The following NYAP2 variants were observed in gnomAD, a reference collection of about 807,000 sequenced individuals.
NYAP2 encodes neuronal tyrosine-phosphorylated phosphoinositide-3-kinase adapter 2.
In NYAP2, 23 loss-of-function variants were observed where a neutral mutation model predicts 50.4. The observed-to-expected ratio is 0.46, with a 90% confidence interval of 0.33 to 0.65. The LOEUF (loss-of-function observed/expected upper bound fraction) is 0.65. Among genes scored for constraint, NYAP2 ranks in the 30% least tolerant of loss-of-function variants. The pLI, the probability that NYAP2 is intolerant of heterozygous loss-of-function variation, is 0.02. For synonymous variants in NYAP2, 394 were observed against 365.2 expected (o/e 1.08, Z -0.90); for missense variants, 885 against 861.0 (o/e 1.03, Z -0.35).
At chr2:225,527,101 A>C (rs1691165805) in intron 4 of NYAP2, among the ~76,000 whole-genome samples, 1 of 152,158 alleles carries the variant, frequency 6.6e-6, no homozygotes. Context: ...AGTCCAAAGA[A>C]TACCCTGCCT....
intron 3 of NYAP2, among the ~76,000 whole-genome samples, chr2:225,410,502 A>G (rs1695020430): frequency 6.6e-6 from 1 of 151,794 alleles, no homozygotes; most frequent in Non-Finnish European, 1.5e-5. Flanking sequence ...TATGAATCTG[A>G]GTTTTCTAAA....
At chr2:225,627,554 A>T (rs953508417) in intron 6 of NYAP2, among the ~76,000 whole-genome samples, 1 of 152,236 alleles carries the variant, frequency 6.6e-6, no homozygotes, top group Non-Finnish European at 1.5e-5. Flanking sequence ...AATGTAACAA[A>T]GATAATCTGA....
intron 5 of NYAP2, among the ~76,000 whole-genome samples, chr2:225,607,457 T>C (rs1192162229): frequency 6.6e-6 from 1 of 152,146 alleles, no homozygotes; most frequent in Non-Finnish European, 1.5e-5. Context: ...ACATTCTTTT[T>C]TAAGTTGTTA....
chr2:225,428,180 A>C (rs1695313562), intron 3 of NYAP2, among the ~76,000 whole-genome samples: 1 of 152,182 alleles, frequency 6.6e-6, no homozygotes, highest in Non-Finnish European at 1.5e-5. Context: ...TAGGAAGAAA[A>C]GAATCAATGA....
the NYAP2 span, among the ~76,000 whole-genome samples, chr2:225,684,395 T>C: frequency 6.7e-6 from 1 of 149,328 alleles, no homozygotes; most frequent in African/African-American, 2.5e-5. Flanking sequence ...GCTATGTTTC[T>C]TTCTCTCTCT....
At chr2:225,417,838 TA>T (rs1251722428) in intron 3 of NYAP2, among the ~76,000 whole-genome samples, 1 of 152,180 alleles carries the variant, frequency 6.6e-6, no homozygotes, top group African/African-American at 2.4e-5. Flanking sequence ...GCATCTATTT[TA>T]TGTCAGTCAT....
At chr2:225,503,802 A>T (rs1046844738) in intron 3 of NYAP2, among the ~76,000 whole-genome samples, 1 of 152,198 alleles carries the variant, frequency 6.6e-6, no homozygotes, top group Non-Finnish European at 1.5e-5. Context: ...GATGACCATA[A>T]AATCCATTCA....
At chr2:225,466,116 T>TTTTTTTTTTTTTTTTTTTTGA (rs1689914710) in intron 3 of NYAP2, among the ~76,000 whole-genome samples, 1 of 152,238 alleles carries the variant, frequency 6.6e-6, no homozygotes, top group Admixed American at 6.5e-5. Context: ...GATCTCTTTT[T>TTTTTTTTTTTTTTTTTTTTGA]GTGCTGTCAT....
chr2:225,440,896 C>T (rs1021900976), intron 3 of NYAP2, among the ~76,000 whole-genome samples: 5 of 152,120 alleles, frequency 3.3e-5, no homozygotes, highest in Non-Finnish European at 7.4e-5. Context: ...GCTTTAGAGA[C>T]GTCAAACAAA....
Position 225,582,055 on chromosome 2 carries a change from A to G in NYAP2, c.638A>G (p.Lys213Arg), listed in dbSNP as rs774495824. Residue 213 changes from lysine (K) to arginine (R), a missense_variant, in exon 5 of 7, where the codon AAA becomes AGA. Coordinates refer to ENST00000636099, the Ensembl canonical transcript of NYAP2. The surrounding 1 kb of genome is among the most constrained non-coding windows in gnomAD (Gnocchi z 7.0). ...ACATCTTTCGATGAAACGTACATCAAAAAGCATGGGCCCCGGAGGACGTCG... is the reference window on the plus strand; with the variant it reads ...ACATCTTTCGATGAAACGTACATCAGAAAGCATGGGCCCCGGAGGACGTCG... 2 of 1,614,024 alleles carry G rather than the reference A, an allele frequency of 1.2e-6. No individual in the cohort carries two copies. The highest frequency in any genetic ancestry group is 1.1e-5 in the South Asian group (1 of 91,080).
At chr2:225,690,123 A>G in the NYAP2 span, among the ~76,000 whole-genome samples, 1 of 152,164 alleles carries the variant, frequency 6.6e-6, no homozygotes, top group Non-Finnish European at 1.5e-5. Context: ...AATGGTGTCT[A>G]TAATTAATTG....
In NYAP2 at chr2:225,643,661, T is replaced by A. The variant is rs1425500240; in HGVS notation, c.1829-7771T>A. Among the ~76,000 whole-genome samples, 4 of 151,642 alleles carry A rather than the reference T, an allele frequency of 2.6e-5. No homozygotes were observed. The East Asian group carries it at 7.8e-4, about 30-fold the overall frequency. ...TCCTGTGTCCATGTGTTCTCATTGT[T>A]CAATTCCCACCTATGAGTGAGAATA... On this transcript the variant is annotated intron_variant, in intron 6 of 6. Transcript: ENST00000636099.
chr2:225,686,989 A>G, the NYAP2 span, among the ~76,000 whole-genome samples: 3 of 152,284 alleles, frequency 2.0e-5, no homozygotes, highest in Non-Finnish European at 2.9e-5. Flanking sequence ...GTCATGGGCT[A>G]TATGAAGGGA....
chr2:225,573,491 C>A (rs879498052), intron 4 of NYAP2, among the ~76,000 whole-genome samples: 6 of 152,002 alleles, frequency 3.9e-5, no homozygotes, highest in Non-Finnish European at 8.8e-5. Flanking sequence ...ACCTTGTGAT[C>A]CACCTGCCTC....
At chr2:225,670,843 T>C in the NYAP2 span, among the ~76,000 whole-genome samples, 1 of 152,158 alleles carries the variant, frequency 6.6e-6, no homozygotes, top group Non-Finnish European at 1.5e-5. Context: ...TCAATAATTT[T>C]TTGGTTTTCC....
chr2:225,691,197 C>CT, the NYAP2 span, among the ~76,000 whole-genome samples: 541 of 147,960 alleles, frequency 3.7e-3, no homozygotes, highest in Non-Finnish European at 4.0e-3. Flanking sequence ...GGAGTGAGCG[C>CT]TTTTTTTTTT....
At chr2:225,612,796 G>GGACATCACACCCAAGGTGTGTGAT (rs1692917135) in intron 5 of NYAP2, among the ~76,000 whole-genome samples, 2 of 124,462 alleles carry the variant, frequency 1.6e-5, no homozygotes, top group East Asian at 2.6e-4. Flanking sequence ...CCCCACCTTT[G>GGACATCACACCCAAGGTGTGTGAT]GACATCACAC....
Position 225,582,715 on chromosome 2 carries a change from A to C in NYAP2, c.1298A>C (p.His433Pro), listed in dbSNP as rs1692315717. 20 of 1,603,770 alleles carry C rather than the reference A, an allele frequency of 1.2e-5. No homozygotes were observed. The highest frequency in any genetic ancestry group is 1.6e-5 in the Non-Finnish European group (19 of 1,175,394). Reference sequence around the variant, plus strand: ...TCTCCCCATGGCTACCCTAAAAGTCACTCCACCTCTCCCTCCCCCGTCAGC... The same window carrying C: ...TCTCCCCATGGCTACCCTAAAAGTCCCTCCACCTCTCCCTCCCCCGTCAGC... Residue 433 changes from histidine to proline, a missense_variant, in exon 5 of 7, where the codon CAC becomes CCC. Physicochemically the swap from His to Pro is moderately conservative, Grantham distance 77 (BLOSUM62 -2). Transcript: ENST00000636099. This position sits in a 1 kb window ranked among gnomAD's most constrained non-coding sequence, Gnocchi z 7.0.
chr2:225,571,013 C>A (rs1692061714), intron 4 of NYAP2, among the ~76,000 whole-genome samples: 1 of 152,340 alleles, frequency 6.6e-6, no homozygotes, highest in African/African-American at 2.4e-5. Flanking sequence ...CATGCAAGTC[C>A]AAAATCCAAT....
Sources: gnomAD v4.1 joint callset for allele counts (sites outside exome capture counted in the v4.1 genomes callset) on GRCh38, gnomAD v4.1.1 for gene constraint, Gnocchi (gnomAD v3.1) non-coding constraint, MANE v1.5 for transcripts, NCBI Gene and HGNC (gene_info 2026-07-23, HGNC 2026-07-21) for gene names.